Variants in NXPH1 observed in about 807,000 individuals in gnomAD.
The protein encoded by NXPH1 is neurexophilin 1.
Under a neutral mutation model 23.7 loss-of-function variants are expected in NXPH1, and 5 were observed. The observed-to-expected ratio is 0.21, with a 90% CI of 0.11 to 0.44. The LOEUF is 0.44. NXPH1 is among the 20% of genes least tolerant of loss of function. The pLI is 0.99. For synonymous variants in NXPH1, 144 were observed against 122.2 expected (o/e 1.18, Z -1.18); for missense variants, 324 against 321.6 (o/e 1.01, Z -0.06).
Position 8,751,203 on chromosome 7 carries a change from G to A in NXPH1, c.250G>A (p.Glu84Lys), listed in dbSNP as rs1780559258. ...LRYDTPEPYSEQDLWDWLRNS... is the reference protein window; with the variant it reads ...LRYDTPEPYSKQDLWDWLRNS... ...ATATGACACCCCAGAACCTTATTCT[G>A]AGCAAGACCTCTGGGACTGGCTGAG... Residue 84 changes from glutamate to lysine, a missense_variant, in exon 3 of 3, where the codon GAG becomes AAG. Transcript: ENST00000405863. The surrounding 1 kb of genome is among the most constrained non-coding windows in gnomAD (Gnocchi z 4.5). 1 of 1,613,810 alleles carries A rather than the reference G, an allele frequency of 6.2e-7. No individual in the cohort carries two copies. Among genetic ancestry groups the A allele is most frequent in the Non-Finnish European group, 8.5e-7 (1 of 1,179,796 alleles).
chr7:8,552,665 A>G (rs1438704470), intron 2 of NXPH1, among the ~76,000 whole-genome samples: 1 of 151,544 alleles, frequency 6.6e-6, no homozygotes, highest in Non-Finnish European at 1.5e-5. Flanking sequence ...ATGTGCTGTC[A>G]AGTTTTTCTC....
chr7:8,745,571 C>T (rs549018355), intron 2 of NXPH1, among the ~76,000 whole-genome samples: 8 of 151,970 alleles, frequency 5.3e-5, no homozygotes, highest in Non-Finnish European at 8.8e-5. Context: ...CTGTCTGCCC[C>T]GAAACAGAGT....
intron 2 of NXPH1, among the ~76,000 whole-genome samples, chr7:8,692,596 C>A (rs1821239119): frequency 6.6e-6 from 1 of 152,116 alleles, no homozygotes; most frequent in African/African-American, 2.4e-5. Context: ...GTTTTCTTGG[C>A]CTATTATCTG....
chr7:8,443,112 G>T (rs1054573787), intron 2 of NXPH1, among the ~76,000 whole-genome samples: 1 of 152,202 alleles, frequency 6.6e-6, no homozygotes, highest in African/African-American at 2.4e-5. Context: ...CTCAAGGCCC[G>T]CTCGCGACTG....
intron 2 of NXPH1, among the ~76,000 whole-genome samples, chr7:8,691,990 G>A (rs530386137): frequency 3.3e-5 from 5 of 152,058 alleles, no homozygotes; most frequent in African/African-American, 9.6e-5. Flanking sequence ...GCAATGATCT[G>A]GGGAGATACT....
At chr7:8,703,051 A>G (rs943158407) in intron 2 of NXPH1, among the ~76,000 whole-genome samples, 4 of 152,042 alleles carry the variant, frequency 2.6e-5, no homozygotes, top group Non-Finnish European at 4.4e-5. Context: ...GGAGGAAGAG[A>G]GGGATTTTAC....
At chr7:8,637,035 A>G (rs149462964) in intron 2 of NXPH1, among the ~76,000 whole-genome samples, 1 of 152,290 alleles carries the variant, frequency 6.6e-6, no homozygotes, top group Non-Finnish European at 1.5e-5. Flanking sequence ...GCATGGTACA[A>G]AAATCCTTTT....
chr7:8,449,967 G>A (rs1049160816), intron 2 of NXPH1, among the ~76,000 whole-genome samples: 5 of 152,114 alleles, frequency 3.3e-5, no homozygotes, highest in Admixed American at 2.6e-4. Context: ...GTGGCATGTG[G>A]GACACAAGCA....
intron 2 of NXPH1, among the ~76,000 whole-genome samples, chr7:8,503,719 C>G (rs1037855525): frequency 6.6e-6 from 1 of 151,976 alleles, no homozygotes; most frequent in African/African-American, 2.4e-5. Context: ...TATCTTGCCA[C>G]ACTAGTTCAG....
chr7:8,717,574 C>CT lies in NXPH1; in HGVS notation c.55-33430dup, dbSNP rs1779897703. Among the ~76,000 whole-genome samples, 5 of 152,240 alleles carry CT rather than the reference C, an allele frequency of 3.3e-5. No homozygotes were observed. The South Asian group carries it at 1.0e-3, about 32-fold the overall frequency. On this transcript the variant is annotated intron_variant, in intron 2 of 2. Transcript: ENST00000405863. Reference sequence around the variant, plus strand: ...ACTACCCTCTAAGTCCCTTTTCTGACTTTTGATTTTTCACTGAGAAGTCCA... The same window carrying CT: ...ACTACCCTCTAAGTCCCTTTTCTGACTTTTTGATTTTTCACTGAGAAGTCCA...
intron 2 of NXPH1, among the ~76,000 whole-genome samples, chr7:8,644,635 G>A (rs75023393): frequency 0.048 from 7,369 of 152,030 alleles, 387 homozygotes; most frequent in East Asian, 0.17. Flanking sequence ...GCTGTCTCAA[G>A]TTGATAGTGT....
intron 2 of NXPH1, among the ~76,000 whole-genome samples, chr7:8,626,786 T>C (rs1235807821): frequency 6.6e-6 from 1 of 152,146 alleles, no homozygotes; most frequent in Non-Finnish European, 1.5e-5. Flanking sequence ...ATTTCTCCCA[T>C]GCGATGTGGT....
chr7:8,678,071 G>A (rs191786351), intron 2 of NXPH1, among the ~76,000 whole-genome samples: 70 of 152,218 alleles, frequency 4.6e-4, no homozygotes, highest in African/African-American at 1.6e-3. Flanking sequence ...AAGCTTGATG[G>A]AGTTAGAGGA....
At chr7:8,713,551 T>C (rs533067072) in intron 2 of NXPH1, among the ~76,000 whole-genome samples, 26 of 152,178 alleles carry the variant, frequency 1.7e-4, no homozygotes, top group Admixed American at 4.6e-4. Context: ...GAAATATATA[T>C]TGTAGTCTTT....
intron 2 of NXPH1, among the ~76,000 whole-genome samples, chr7:8,545,348 A>G (rs1160774639): frequency 1.3e-5 from 2 of 151,512 alleles, no homozygotes; most frequent in African/African-American, 2.4e-5. Context: ...CTACAGTAGA[A>G]ATTGTAATTA....
At chr7:8,529,131 G>T (rs962019623) in intron 2 of NXPH1, among the ~76,000 whole-genome samples, 3 of 152,224 alleles carry the variant, frequency 2.0e-5, no homozygotes, top group Non-Finnish European at 4.4e-5. Flanking sequence ...CACCCTGGTT[G>T]TCTCTCTGAT....
intron 2 of NXPH1, among the ~76,000 whole-genome samples, chr7:8,460,992 C>T (rs1816685314): frequency 6.6e-6 from 1 of 152,150 alleles, no homozygotes; most frequent in Non-Finnish European, 1.5e-5. Context: ...GTGTTTGGAT[C>T]TTTTCAATAT....
intron 2 of NXPH1, among the ~76,000 whole-genome samples, chr7:8,745,576 CAG>C (rs1308103183): frequency 2.6e-5 from 4 of 152,068 alleles, no homozygotes; most frequent in African/African-American, 9.7e-5. Flanking sequence ...TGCCCCGAAA[CAG>C]AGTCTTGCTC....
chr7:8,745,337 G>C (rs547132080), intron 2 of NXPH1, among the ~76,000 whole-genome samples: 1 of 148,246 alleles, frequency 6.7e-6, no homozygotes, highest in South Asian at 2.2e-4. Flanking sequence ...TTTGTGTATG[G>C]TGAGAATGCT....
Sources: gnomAD v4.1 joint callset for allele counts (sites outside exome capture counted in the v4.1 genomes callset) on GRCh38, gnomAD v4.1.1 for gene constraint, Gnocchi (gnomAD v3.1) non-coding constraint, MANE v1.5 for transcripts, NCBI Gene and HGNC (gene_info 2026-07-23, HGNC 2026-07-21) for gene names.